The following RASSF8 variants were observed in gnomAD, a reference collection of about 807,000 sequenced individuals.
The protein encoded by RASSF8 is Ras association domain family member 8.
Under a neutral mutation model 48.5 loss-of-function variants are expected in RASSF8, and 22 were observed. The observed-to-expected ratio is 0.45, with a 90% CI of 0.32 to 0.65. The LOEUF is 0.65. Among genes scored for constraint, RASSF8 ranks in the 30% least tolerant of loss-of-function variants. The probability of loss-of-function intolerance (pLI) is 0.03; values close to 1 mark genes in which losing one functional copy is unlikely to be tolerated. For synonymous variants in RASSF8, 127 were observed against 171.5 expected (o/e 0.74, Z 2.03); for missense variants, 418 against 489.2 (o/e 0.85, Z 1.37).
Position 25,958,966 on chromosome 12 carries a change from G to C in RASSF8, c.-385G>C, listed in dbSNP as rs1941153041. The C allele has an allele frequency of 6.8e-6, 1 of 147,104 alleles. No individual in the cohort carries two copies. Among genetic ancestry groups the C allele is most frequent in the African/African-American group, 2.4e-5 (1 of 40,930 alleles). 9.1% of individuals were successfully genotyped at this position (147,104 alleles called of 1,614,324 possible). A position where few individuals can be genotyped will look rare whatever the true frequency, so the allele number is the denominator to read the frequency against. On this transcript the variant is annotated 5_prime_UTR_variant, in exon 1 of 6. Coordinates refer to ENST00000689635, the MANE Select transcript of RASSF8 (RefSeq NM_001394098.1). ...GCCGGGAGGTGCGCGGAGAGGGAAC[G>C]CCGGGGGGCCGGGGCCTCCAGCCGG...
At position 26,064,457 on chromosome 12, in the gene RASSF8, A is replaced by G. The variant is rs201277146; in HGVS notation, c.104-41A>G. The G allele has an allele frequency of 4.2e-5, 62 of 1,476,026 alleles. No homozygotes were observed. In the Admixed American group the frequency reaches 9.2e-4, roughly 22 times the overall value. The allele number at this position is 1,476,026 out of a possible 1,614,324, so 91.4% of individuals were successfully genotyped here. On this transcript the variant is annotated intron_variant, in intron 3 of 5. Transcript: ENST00000689635. ...TCTTACTCCATTTTTTAACTATTACATATCCCATTTTGACAAGTTATTCTT... is the reference window on the plus strand; with the variant it reads ...TCTTACTCCATTTTTTAACTATTACGTATCCCATTTTGACAAGTTATTCTT...
At chr12:26,048,744 G>GT (rs1943426690) in intron 2 of RASSF8, among the ~76,000 whole-genome samples, 1 of 150,612 alleles carries the variant, frequency 6.6e-6, no homozygotes, top group South Asian at 2.1e-4. Flanking sequence ...TTTTTTGTTT[G>GT]TTTGTTTTGT....
chr12:26,005,647 G>A (rs924350174), intron 2 of RASSF8, among the ~76,000 whole-genome samples: 2 of 152,106 alleles, frequency 1.3e-5, no homozygotes, highest in Non-Finnish European at 2.9e-5. Flanking sequence ...ACTAGAATAG[G>A]ATGAAACCCA....
At chr12:26,059,629 A>T (rs956408082) in intron 3 of RASSF8, among the ~76,000 whole-genome samples, 3 of 152,158 alleles carry the variant, frequency 2.0e-5, no homozygotes, top group African/African-American at 7.2e-5. Flanking sequence ...ATTGTGAATT[A>T]ATTTTCCACA....
At chr12:26,037,133 T>C (rs1208393946) in intron 2 of RASSF8, among the ~76,000 whole-genome samples, 1 of 152,188 alleles carries the variant, frequency 6.6e-6, no homozygotes, top group Non-Finnish European at 1.5e-5. Context: ...AAAGATTAAA[T>C]TCGGATAATT....
At chr12:25,964,451 CAA>C (rs1382884812) in intron 1 of RASSF8, among the ~76,000 whole-genome samples, 13 of 152,080 alleles carry the variant, frequency 8.5e-5, no homozygotes, top group Non-Finnish European at 1.8e-4. Flanking sequence ...CAGGTTATAA[CAA>C]GAGGAGAGCT....
At position 26,027,959 on chromosome 12, in the gene RASSF8, G is replaced by T. The variant is rs943998825; in HGVS notation, c.-108-27277G>T. On this transcript the variant is annotated intron_variant, in intron 2 of 5. Coordinates refer to ENST00000689635, the MANE Select transcript of RASSF8 (RefSeq NM_001394098.1). ...GGACAAAGGAGTGGCTGTGAGGAACGTCAGCTGTGCAGATGCTCTGGGGAC... is the reference window on the plus strand; with the variant it reads ...GGACAAAGGAGTGGCTGTGAGGAACTTCAGCTGTGCAGATGCTCTGGGGAC... Among the ~76,000 whole-genome samples the T allele has an allele frequency of 3.3e-5, 5 of 152,188 alleles. No homozygotes were observed. The East Asian group carries it at 9.6e-4, about 29-fold the overall frequency.
rs1941159311 is a variant in RASSF8, at chr12:25,959,108, C to T, written c.-243C>T. 6.6e-6 allele frequency: 1 copy of T among 150,714 alleles called. No individual in the cohort carries two copies. The highest frequency in any genetic ancestry group is 1.5e-5 in the Non-Finnish European group (1 of 67,642). The allele number at this position is 150,714 out of a possible 1,614,324, so 9.3% of individuals were successfully genotyped here. A position where few individuals can be genotyped will look rare whatever the true frequency, so the allele number is the denominator to read the frequency against. ...CGCGTCCCCAGCGCCCCGGCCGGCC[C>T]CTCTGGGCGGCCTGCGGGGGCGGCG... On this transcript the variant is annotated 5_prime_UTR_variant, in exon 1 of 6. Transcript: ENST00000689635.
chr12:26,056,683 A>G (rs1943609916), intron 3 of RASSF8, among the ~76,000 whole-genome samples: 1 of 152,240 alleles, frequency 6.6e-6, no homozygotes, highest in African/African-American at 2.4e-5. Flanking sequence ...GGTAATATTG[A>G]CATCTTTTGA....
Position 26,067,565 on chromosome 12 carries a change from C to G in RASSF8, c.994-4C>G. The G allele has an allele frequency of 1.9e-6, 3 of 1,610,320 alleles. No individual in the cohort carries two copies. Among genetic ancestry groups the G allele is most frequent in the Non-Finnish European group, 1.7e-6 (2 of 1,177,844 alleles). ...AATTTAAAAAAATAATAATTTCCATCTAGGACAAAGAACAGGAACTGGAGC... is the reference window on the plus strand; with the variant it reads ...AATTTAAAAAAATAATAATTTCCATGTAGGACAAAGAACAGGAACTGGAGC... On this transcript the variant is annotated splice_region_variant and splice_polypyrimidine_tract_variant and intron_variant, in intron 4 of 5. Coordinates refer to ENST00000689635, the MANE Select transcript of RASSF8 (RefSeq NM_001394098.1).
intron 4 of RASSF8, 85 bp from the exon 5 acceptor site, chr12:26,067,484 C>A: frequency 7.3e-7 from 1 of 1,369,490 alleles, no homozygotes; most frequent in Non-Finnish European, 1.0e-6. Flanking sequence ...CATTTAACCC[C>A]TGTAGCAGAT....
In RASSF8 at chr12:25,977,881, C is replaced by T. The variant is rs545265426; in HGVS notation, c.-202-17156C>T. Among the ~76,000 whole-genome samples the T allele has an allele frequency of 1.2e-4, 18 of 152,262 alleles. 1 individual carries two copies. The South Asian group carries it at 3.7e-3, about 32-fold the overall frequency. On this transcript the variant is annotated intron_variant, in intron 1 of 5. Transcript: ENST00000689635. ...GACAGGTGGGATTGACACTGAGAGACACTTGGAAGGTCATTGTACCATCTT... is the reference window on the plus strand; with the variant it reads ...GACAGGTGGGATTGACACTGAGAGATACTTGGAAGGTCATTGTACCATCTT...
chr12:26,050,463 A>G (rs762802939), intron 2 of RASSF8, among the ~76,000 whole-genome samples: 1 of 152,196 alleles, frequency 6.6e-6, no homozygotes. Context: ...ATTTCATGCC[A>G]TTTCTTACAA....
chr12:25,971,406 T>C (rs1274514471), intron 1 of RASSF8, among the ~76,000 whole-genome samples: 1 of 152,182 alleles, frequency 6.6e-6, no homozygotes, highest in Non-Finnish European at 1.5e-5. Flanking sequence ...TTTGGCCTCC[T>C]GAACTAACAT....
chr12:25,987,353 A>T (rs1441099830), intron 1 of RASSF8, among the ~76,000 whole-genome samples: 1 of 152,158 alleles, frequency 6.6e-6, no homozygotes, highest in African/African-American at 2.4e-5. Flanking sequence ...GATTTTTTTG[A>T]CTAGCCTGGA....
Position 26,064,627 on chromosome 12 carries a change from G to A in RASSF8, c.233G>A (p.Arg78Gln), listed in dbSNP as rs770560181. 17 of 1,613,964 alleles carry A rather than the reference G, an allele frequency of 1.1e-5. No individual in the cohort carries two copies. Among genetic ancestry groups the A allele is most frequent in the African/African-American group, 8.0e-5 (6 of 74,878 alleles). The change falls in exon 4 of 6, where the codon CGA (arginine) becomes CAA (glutamine). Residue 78 changes from arginine (R) to glutamine (Q), a missense_variant. Coordinates refer to ENST00000689635, the MANE Select transcript of RASSF8 (RefSeq NM_001394098.1). ...GCTAGTGATGTGCAGCTCATTCTAC[G>A]ACGAACTGGGCCGTCTCTCAGTGAG... ...QYASDVQLIL[R>Q]RTGPSLSERP...
At chr12:26,048,137 T>G (rs1454110568) in intron 2 of RASSF8, among the ~76,000 whole-genome samples, 1 of 152,230 alleles carries the variant, frequency 6.6e-6, no homozygotes, top group African/African-American at 2.4e-5. Context: ...CCGGGTTGAC[T>G]TATATTTAAA....
chr12:25,976,394 G>A, intron 1 of RASSF8, among the ~76,000 whole-genome samples: 1 of 151,422 alleles, frequency 6.6e-6, no homozygotes, highest in East Asian at 1.9e-4. Context: ...CACCAGCGGA[G>A]TCTTGGTTTG....
At chr12:26,042,947 C>T (rs905802419) in intron 2 of RASSF8, among the ~76,000 whole-genome samples, 4 of 152,094 alleles carry the variant, frequency 2.6e-5, no homozygotes, top group African/African-American at 9.7e-5. Flanking sequence ...AATTTTATTG[C>T]CTCTGGGATC....
Sources: gnomAD v4.1 joint callset for allele counts (sites outside exome capture counted in the v4.1 genomes callset) on GRCh38, gnomAD v4.1.1 for gene constraint, MANE v1.5 for transcripts, NCBI Gene and HGNC (gene_info 2026-07-23, HGNC 2026-07-21) for gene names.